The following HNF4A variants were observed in gnomAD, a reference collection of about 807,000 sequenced individuals.
The protein encoded by HNF4A is hepatocyte nuclear factor 4-alpha.
Under a neutral mutation model 52.4 loss-of-function variants are expected in HNF4A, and 15 were observed. The observed-to-expected ratio is 0.29, with a 90% CI of 0.19 to 0.44. The LOEUF (loss-of-function observed/expected upper bound fraction) is 0.44. Ranked by LOEUF, HNF4A falls within the 20% of genes least tolerant of loss-of-function variation. The pLI, the probability that HNF4A is intolerant of heterozygous loss-of-function variation, is 1.00. For synonymous variants in HNF4A, 280 were observed against 264.4 expected, an observed-to-expected ratio of 1.06 and a Z score of -0.57; for missense variants, 479 against 647.2, an observed-to-expected ratio of 0.74 and a Z score of 2.82.
At chr20:44,357,279 T>A (rs2062868726) in intron 1 of HNF4A, among the ~76,000 whole-genome samples, 1 of 152,262 alleles carries the variant, frequency 6.6e-6, no homozygotes, top group Non-Finnish European at 1.5e-5. Context: ...TATTTCCTCA[T>A]CTGTAAAATG....
At chr20:44,382,339 A>G (rs2063165805) in intron 1 of HNF4A, among the ~76,000 whole-genome samples, 1 of 151,916 alleles carries the variant, frequency 6.6e-6, no homozygotes, top group Admixed American at 6.6e-5. Context: ...CCCAGGTTCA[A>G]GCAATTCTCC....
At chr20:44,377,093 T>C (rs2063093603) in intron 1 of HNF4A, among the ~76,000 whole-genome samples, 1 of 152,132 alleles carries the variant, frequency 6.6e-6, no homozygotes, top group African/African-American at 2.4e-5. Context: ...ATCCATGAAG[T>C]ACTATACAGT....
intron 5 of HNF4A, among the ~76,000 whole-genome samples, chr20:44,417,038 A>T (rs1380785480): frequency 6.6e-6 from 1 of 152,112 alleles, no homozygotes; most frequent in Non-Finnish European, 1.5e-5. Context: ...GAGATTAGAG[A>T]CCTTGTCTCT....
At chr20:44,401,535 C>T in intron 1 of HNF4A, 2 of 1,609,072 alleles carry the variant, frequency 1.2e-6, no homozygotes, top group Non-Finnish European at 1.7e-6. Context: ...GGCAGGTGTG[C>T]CTGGGTCCAG....
intron 1 of HNF4A, among the ~76,000 whole-genome samples, chr20:44,361,511 CTT>C (rs985643152): frequency 7.2e-5 from 11 of 152,164 alleles, no homozygotes; most frequent in South Asian, 2.1e-4. Flanking sequence ...GAGGATAAAA[CTT>C]TGCTTCACGT....
Position 44,413,755 on chromosome 20 carries a change from G to A in HNF4A, c.447G>A (p.Leu149=), listed in dbSNP as rs193922473. Residue 149 remains leucine (L), a synonymous_variant, in exon 4 of 10, where the codon CTG becomes CTA. Coordinates refer to ENST00000316099, the MANE Select transcript of HNF4A (RefSeq NM_000457.6). ...GGTCAAGCTATGAGGACAGCAGCCT[G>A]CCCTCCATCAATGCGCTCCTGCAGG... 165 of 1,613,864 alleles carry A rather than the reference G, an allele frequency of 1.0e-4. No individual in the cohort carries two copies. The highest frequency in any genetic ancestry group is 1.6e-4 in the Middle Eastern group (1 of 6,084).
intron 1 of HNF4A, among the ~76,000 whole-genome samples, chr20:44,386,494 A>T (rs927276340): frequency 2.6e-5 from 4 of 152,172 alleles, no homozygotes; most frequent in Admixed American, 2.0e-4. Flanking sequence ...TAATGGCCCC[A>T]GATGATTCTT....
chr20:44,371,679 G>T lies in HNF4A; in HGVS notation c.49+15826G>T, dbSNP rs1047205088. Among the ~76,000 whole-genome samples the T allele has an allele frequency of 9.9e-5, 15 of 152,196 alleles. No individual in the cohort carries two copies. In the South Asian group the frequency reaches 1.0e-3, roughly 11 times the overall value. ...ATCTCTACTAAAAATGCAAAAATTA[G>T]CCAGGCATGCTGGAGCACGCCTGTA... On this transcript the variant is annotated intron_variant, in intron 1 of 9. Transcript: ENST00000316673.
intron 1 of HNF4A, among the ~76,000 whole-genome samples, chr20:44,369,603 G>T (rs1412739426): frequency 6.6e-6 from 1 of 152,130 alleles, no homozygotes; most frequent in East Asian, 1.9e-4. Context: ...TCACATCCCA[G>T]CTGAAACTCC....
chr20:44,356,137 T>A (rs2062855133), intron 1 of HNF4A, among the ~76,000 whole-genome samples: 1 of 152,070 alleles, frequency 6.6e-6, no homozygotes, highest in South Asian at 2.1e-4. Flanking sequence ...ATCTCAGGGG[T>A]CTTTCCAAAA....
chr20:44,419,705 C>CT lies in HNF4A; in HGVS notation c.737-15dup. On this transcript the variant is annotated splice_polypyrimidine_tract_variant and intron_variant, in intron 6 of 9. Transcript: ENST00000316099. The stretch of plus-strand genomic sequence containing the variant: ...CAAGGTGACTTCCCATCCTCCCTCC[C>CT]TCCCAACCCTTCCAGGCAATGACTA... 1 of 1,609,786 alleles carries CT rather than the reference C, an allele frequency of 6.2e-7. No homozygotes were observed. Among genetic ancestry groups the CT allele is most frequent in the Non-Finnish European group, 8.5e-7 (1 of 1,177,006 alleles).
rs903260699 is a variant in HNF4A, at chr20:44,412,459, G to A, written c.386-1235G>A. 3.9e-5 allele frequency among the ~76,000 whole-genome samples: 6 copies of A among 152,126 alleles called. No individual in the cohort carries two copies. The South Asian group carries it at 6.2e-4, about 16-fold the overall frequency. On this transcript the variant is annotated intron_variant, in intron 3 of 9. Coordinates refer to ENST00000316099, the MANE Select transcript of HNF4A (RefSeq NM_000457.6). ...TGACCACAGCAGCCTACAAGCGTGC[G>A]GATGCGTCCAGGTGGGGAGGCGGGT... is the stretch of plus-strand genomic sequence containing the variant.
rs1360489291 is a variant in HNF4A at position 44,428,549 on chromosome 20, G to A, written c.1282+62G>A. ...AGGATGGGGCTTAAGACAGGAGGCA[G>A]GAGAAAGTGGAGTCTAGAAGGTAGA... On this transcript the variant is annotated intron_variant, in intron 9 of 9. Coordinates refer to ENST00000316099, the MANE Select transcript of HNF4A (RefSeq NM_000457.6). 2.0e-6 allele frequency: 3 copies of A among 1,498,924 alleles called. No homozygotes were observed. The Admixed American group carries it at 5.4e-5, about 27-fold the overall frequency. 92.9% of individuals were successfully genotyped at this position (1,498,924 alleles called of 1,614,324 possible). A position where few individuals can be genotyped will look rare whatever the true frequency, so the allele number is the denominator to read the frequency against.
rs150776703 is a variant in HNF4A at position 44,429,549 on chromosome 20, C to T, written c.1309C>T (p.Pro437Ser). Residue 437 changes from proline to serine, a missense_variant, in exon 10 of 10, where the codon CCG becomes TCG. By Grantham distance (74) the Pro-to-Ser change is moderately conservative (BLOSUM62 -1). This residue lies in a region of HNF4A where 389 missense variants were observed against 525.1 expected (regional missense o/e 0.74). Transcript: ENST00000316099. Reference sequence around the variant, plus strand: ...CACCCCTGAGACCCCACAGCCCTCACCGCCAGGTGGCTCAGGGTCTGAGCC... The same window carrying T: ...CACCCCTGAGACCCCACAGCCCTCATCGCCAGGTGGCTCAGGGTCTGAGCC... 588 of 1,614,132 alleles carry T rather than the reference C, an allele frequency of 3.6e-4. 4 individuals are homozygous for T. The South Asian group carries it at 6.2e-3, about 17-fold the overall frequency.
chr20:44,433,437 T>G (rs1003392637), downstream of HNF4A: 3 of 152,656 alleles, frequency 2.0e-5, no homozygotes, highest in Non-Finnish European at 1.5e-5. Flanking sequence ...TCCCAGCACT[T>G]TGGGAGGCTG....
At position 44,424,028 on chromosome 20, in the gene HNF4A, G is replaced by A; in HGVS notation, c.903G>A (p.Gly301=). ...CCTCTTCCATTGTAGATGCCAAGGG[G>A]CTGAGCGATCCAGGGAAGATCAAGC... The change falls in exon 8 of 10, where the codon GGG becomes GGA. Residue 301 remains glycine, a synonymous_variant. Transcript: ENST00000316099. 6.2e-7 allele frequency: 1 copy of A among 1,613,042 alleles called. No homozygotes were observed. The highest frequency in any genetic ancestry group is 8.5e-7 in the Non-Finnish European group (1 of 1,179,932).
intron 6 of HNF4A, 37 bp from the exon 7 acceptor site, chr20:44,419,684 G>A (rs757219506): frequency 2.5e-6 from 4 of 1,608,848 alleles, no homozygotes; most frequent in Non-Finnish European, 3.4e-6. Flanking sequence ...TCAACCCAAG[G>A]TGACTTCCCA....
chr20:44,432,535 G>A lies in HNF4A; in HGVS notation c.*2870G>A, dbSNP rs1441752196. On this transcript the variant is annotated 3_prime_UTR_variant, in exon 10 of 10. Coordinates refer to ENST00000316099, the MANE Select transcript of HNF4A (RefSeq NM_000457.6). The stretch of plus-strand genomic sequence containing the variant: ...CTCTCCTGAGAGTGGACAGAGGAGA[G>A]GAGAGGGTCAGAAATGAACGCTCTT... 1 of 151,646 alleles carries A rather than the reference G, an allele frequency of 6.6e-6. No homozygotes were observed. The highest frequency in any genetic ancestry group is 2.4e-5 in the African/African-American group (1 of 41,246). The allele number at this position is 151,646 out of a possible 1,614,324, so 9.4% of individuals were successfully genotyped here.
At chr20:44,434,569 C>T (rs1366246866), downstream of HNF4A, 2 of 149,986 alleles carry the variant, frequency 1.3e-5, no homozygotes, top group Admixed American at 1.3e-4. Context: ...CTAAATTGTG[C>T]TTAATAAACC....
Sources: gnomAD v4.1 joint callset for allele counts (sites outside exome capture counted in the v4.1 genomes callset) on GRCh38, gnomAD v4.1.1 for gene constraint, gnomAD v4.1.1 regional missense constraint, MANE v1.5 for transcripts, NCBI Gene and HGNC (gene_info 2026-07-23, HGNC 2026-07-21) for gene names.